Variants in CES5A observed in about 807,000 individuals in gnomAD.
CES5A encodes carboxylesterase 5A.
A neutral mutation model predicts 62.9 loss-of-function variants in CES5A; 67 were observed. The observed-to-expected ratio is 1.07, with a 90% CI of 0.88 to 1.31. CES5A has a LOEUF of 1.31. CES5A is among the 50% of genes most tolerant of loss of function. The probability of loss-of-function intolerance (pLI) is 0.00; values close to 1 mark genes in which losing one functional copy is unlikely to be tolerated. For synonymous variants in CES5A, 296 were observed against 280.8 expected, an observed-to-expected ratio of 1.05 and a Z score of -0.54; for missense variants, 748 against 708.5, an observed-to-expected ratio of 1.06 and a Z score of -0.63.
At chr16:55,900,598 G>A (rs977654322) in intron 1 of CES5A, among the ~76,000 whole-genome samples, 24 of 152,298 alleles carry the variant, frequency 1.6e-4, no homozygotes, top group African/African-American at 5.1e-4. Context: ...CACTTCCAGG[G>A]GCTGAAGACC....
At chr16:55,869,431 C>A in intron 4 of CES5A, 180 bp downstream of exon 4, 1 of 1,194,108 alleles carries the variant, frequency 8.4e-7, no homozygotes, top group Non-Finnish European at 1.1e-6. Context: ...TTTATTGTTT[C>A]AAGCCACCAA....
intron 3 of CES5A, 30 bp from the exon 4 acceptor site, chr16:55,869,774 C>A (rs757841774): frequency 2.2e-5 from 34 of 1,577,470 alleles, no homozygotes; most frequent in Non-Finnish European, 2.8e-5. Flanking sequence ...ATCCAGTCAG[C>A]CCACCAGGCA....
Position 55,871,736 on chromosome 16 carries a change from G to C in CES5A, c.306C>G (p.Leu102=), listed in dbSNP as rs1310460181. 3 of 1,614,086 alleles carry C rather than the reference G, an allele frequency of 1.9e-6. No homozygotes were observed. The highest frequency in any genetic ancestry group is 1.1e-5 in the South Asian group (1 of 91,064). ...GCACCTTGAGCATATGTTGATCTAA[G>C]AGCAGCCACTCTGAGTTCTGGAGGC... The part of the protein sequence containing the change: ...NLCLQNSEWL[L]LDQHMLKVHY... The change falls in exon 3 of 13, where the codon CTC becomes CTG. Residue 102 remains leucine, a synonymous_variant. Transcript: ENST00000290567.
At chr16:55,912,735 G>A (rs570022435) in intron 1 of CES5A, among the ~76,000 whole-genome samples, 29 of 152,314 alleles carry the variant, frequency 1.9e-4, no homozygotes, top group Non-Finnish European at 2.9e-4. Context: ...ACCTGCTGGA[G>A]TGTGGGGTTA....
chr16:55,893,412 A>C (rs2142434929), intron 1 of CES5A, among the ~76,000 whole-genome samples: 1 of 152,344 alleles, frequency 6.6e-6, no homozygotes, highest in South Asian at 2.1e-4. Context: ...AATGACAAAA[A>C]TATTGGTATA....
intron 1 of CES5A, among the ~76,000 whole-genome samples, chr16:55,912,489 G>A (rs2034104262): frequency 6.6e-6 from 1 of 152,028 alleles, no homozygotes; most frequent in Non-Finnish European, 1.5e-5. Context: ...GGAGAAGGAG[G>A]AGGAGGACGA....
intron 1 of CES5A, among the ~76,000 whole-genome samples, chr16:55,952,691 CA>C (rs1186405912): frequency 6.6e-6 from 1 of 151,888 alleles, no homozygotes; most frequent in African/African-American, 2.4e-5. Flanking sequence ...TCACAATAAA[CA>C]ATAAATAATA....
chr16:55,911,425 GTC>G (rs2034091664), intron 1 of CES5A, among the ~76,000 whole-genome samples: 1 of 152,204 alleles, frequency 6.6e-6, no homozygotes, highest in African/African-American at 2.4e-5. Flanking sequence ...ACAACATACA[GTC>G]TCTGCTACAG....
intron 4 of CES5A, among the ~76,000 whole-genome samples, chr16:55,866,965 G>A (rs1359609671): frequency 6.6e-6 from 1 of 152,172 alleles, no homozygotes; most frequent in Non-Finnish European, 1.5e-5. Flanking sequence ...TATGAGGTAG[G>A]TGGTGCTGGG....
chr16:55,860,555 AGAT>A (rs1475028920), intron 7 of CES5A, among the ~76,000 whole-genome samples: 3 of 152,210 alleles, frequency 2.0e-5, no homozygotes, highest in Non-Finnish European at 4.4e-5. Flanking sequence ...AAATGGTGGT[AGAT>A]GAAGTGGTCA....
At chr16:55,955,748 G>T in intron 1 of CES5A, 1 of 1,347,962 alleles carries the variant, frequency 7.4e-7, no homozygotes, top group Non-Finnish European at 1.0e-6. Flanking sequence ...ACAAAGTTGG[G>T]TGGGTAAATT....
Position 55,871,777 on chromosome 16 carries a change from A to G in CES5A, c.279-14T>C. 1 of 1,613,042 alleles carries G rather than the reference A, an allele frequency of 6.2e-7. No individual in the cohort carries two copies. Among genetic ancestry groups the G allele is most frequent in the Non-Finnish European group, 8.5e-7 (1 of 1,179,184 alleles). On this transcript the variant is annotated splice_polypyrimidine_tract_variant and intron_variant, in intron 2 of 12. Transcript: ENST00000290567. Reference sequence around the variant, plus strand: ...TTCTGGAGGCACCTTGGAGAAGGAGAGGAGAAAACCCTCAGAAAAAGTTAT... The same window carrying G: ...TTCTGGAGGCACCTTGGAGAAGGAGGGGAGAAAACCCTCAGAAAAAGTTAT...
intron 2 of CES5A, among the ~76,000 whole-genome samples, chr16:55,933,508 T>C (rs13330869): frequency 0.054 from 8,234 of 152,212 alleles, 542 homozygotes; most frequent in African/African-American, 0.15. Context: ...TCCCTTCCAA[T>C]GAATCTGCTC....
At chr16:55,852,134 G>A (rs1208353732) in intron 10 of CES5A, among the ~76,000 whole-genome samples, 1 of 152,142 alleles carries the variant, frequency 6.6e-6, no homozygotes, top group African/African-American at 2.4e-5. Context: ...AGCGGTGATG[G>A]TTGTACAACA....
chr16:55,894,498 C>A (rs1487278791), intron 1 of CES5A, among the ~76,000 whole-genome samples: 493 of 102,858 alleles, frequency 4.8e-3, no homozygotes, highest in South Asian at 7.0e-3. Flanking sequence ...AACTCTGTCT[C>A]AAAAAAAAAA....
At chr16:55,935,352 C>G (rs905078540) in intron 2 of CES5A, among the ~76,000 whole-genome samples, 2 of 152,226 alleles carry the variant, frequency 1.3e-5, no homozygotes, top group Non-Finnish European at 2.9e-5. Context: ...CCTTTCTGTT[C>G]TATTTCAGCT....
At chr16:55,905,370 AC>A (rs1252468499) in intron 1 of CES5A, among the ~76,000 whole-genome samples, 52 of 146,478 alleles carry the variant, frequency 3.6e-4, no homozygotes, top group African/African-American at 9.6e-4. Flanking sequence ...TTTAAATCTG[AC>A]TTTTTTTTTT....
rs2033311509 is a variant in CES5A, at chr16:55,859,592, G to A, written c.1011C>T (p.Ser337=). 1.2e-6 allele frequency: 2 copies of A among 1,613,772 alleles called. No individual in the cohort carries two copies. Among genetic ancestry groups the A allele is most frequent in the Admixed American group, 3.3e-5 (2 of 59,966 alleles). The stretch of plus-strand genomic sequence containing the variant: ...ACTCGTGGTTATTGACTCCGATGAT[G>A]GAAGGAATTGCTTTAAATGCTTTCT... ...LSQKAFKAIP[S]IIGVNNHECG... is the part of the protein sequence containing the mutation. Residue 337 remains serine (S), a synonymous_variant, in exon 8 of 13, where the codon TCC becomes TCT. Coordinates refer to ENST00000290567, the MANE Select transcript of CES5A (RefSeq NM_001143685.2).
chr16:55,850,451 C>A (rs2033108285), intron 10 of CES5A, among the ~76,000 whole-genome samples: 1 of 152,182 alleles, frequency 6.6e-6, no homozygotes, highest in Admixed American at 6.5e-5. Flanking sequence ...CTAATCTGAA[C>A]ATTTCGTATA....
Sources: gnomAD v4.1 joint callset for allele counts (sites outside exome capture counted in the v4.1 genomes callset) on GRCh38, gnomAD v4.1.1 for gene constraint, MANE v1.5 for transcripts, NCBI Gene and HGNC (gene_info 2026-07-23, HGNC 2026-07-21) for gene names.